Variants in ACVR1C observed in about 807,000 individuals in gnomAD.
The protein encoded by ACVR1C is activin A receptor type 1C.
A neutral mutation model predicts 57.9 loss-of-function variants in ACVR1C; 23 were observed. The observed-to-expected ratio is 0.40, with a 90% CI of 0.29 to 0.56. The LOEUF is 0.56. ACVR1C is among the 20% of genes least tolerant of loss of function. ACVR1C has a pLI of 0.50. For synonymous variants in ACVR1C, 214 were observed against 215.3 expected, an observed-to-expected ratio of 0.99 and a Z score of 0.05; for missense variants, 480 against 607.9, an observed-to-expected ratio of 0.79 and a Z score of 2.21.
Position 157,552,281 on chromosome 2 carries a change from C to T in ACVR1C, c.545-1889G>A, listed in dbSNP as rs151054046. On this transcript the variant is annotated intron_variant, in intron 3 of 8. Transcript: ENST00000243349. ...TTGAGTAGCTGGGACTACAGGTGTG[C>T]ACCACCATACCCAGCTAATTTTTGT... Among the ~76,000 whole-genome samples the T allele has an allele frequency of 3.8e-3, 575 of 152,254 alleles. 3 individuals carry two copies. The highest frequency in any genetic ancestry group is 0.013 in the African/African-American group (558 of 41,558).
intron 8 of ACVR1C, among the ~76,000 whole-genome samples, chr2:157,534,943 C>T (rs1416506285): frequency 6.6e-6 from 1 of 151,924 alleles, no homozygotes; most frequent in Non-Finnish European, 1.5e-5. Context: ...ATTGCTTAAG[C>T]CCAGGAGTTC....
intron 2 of ACVR1C, among the ~76,000 whole-genome samples, chr2:157,584,924 A>G (rs1446424275): frequency 3.3e-5 from 5 of 152,218 alleles, no homozygotes; most frequent in African/African-American, 1.2e-4. Context: ...CTACTGATAA[A>G]CCCAGCAACA....
chr2:157,538,404 T>C (rs1371701279), intron 8 of ACVR1C, among the ~76,000 whole-genome samples, 169 bp downstream of exon 8: 2 of 152,146 alleles, frequency 1.3e-5, no homozygotes, highest in Admixed American at 1.3e-4. Flanking sequence ...TAACCTAGCA[T>C]TATGCATGCA....
At position 157,575,373 on chromosome 2, in the gene ACVR1C, T is replaced by G. The variant is rs187867673; in HGVS notation, c.304+11814A>C. ...GTCTCGAACTCCTGACCTCAGGTGA[T>G]CCACCCACCTTGGCCTCCCAAAGTG... On this transcript the variant is annotated intron_variant, in intron 2 of 8. Coordinates refer to ENST00000243349, the MANE Select transcript of ACVR1C (RefSeq NM_145259.3). 3.0e-4 allele frequency among the ~76,000 whole-genome samples: 46 copies of G among 152,272 alleles called. No individual in the cohort carries two copies. The East Asian group carries it at 8.3e-3, about 27-fold the overall frequency.
chr2:157,595,681 T>C (rs979359641), intron 1 of ACVR1C, among the ~76,000 whole-genome samples: 11 of 152,222 alleles, frequency 7.2e-5, no homozygotes, highest in African/African-American at 2.7e-4. Flanking sequence ...TATCATGACC[T>C]GATAGGCTAA....
In ACVR1C at chr2:157,534,006, C is replaced by T; in HGVS notation, c.1394G>A (p.Trp465Ter). ...RVMGRIMREC[W>*]YANGAARLTA... The stretch of plus-strand genomic sequence containing the variant: ...TAGGCGGGCCGCTCCGTTGGCATAC[C>T]AACACTCACGCATTATTCTCCCCAT... The change falls in exon 9 of 9, where the codon TGG becomes TAG. Residue 465 changes from tryptophan (W) to a stop codon, truncating the protein, a stop_gained. Transcript: ENST00000243349. LOFTEE classifies it high-confidence loss of function. The T allele has an allele frequency of 6.3e-7, 1 of 1,589,890 alleles. No individual in the cohort carries two copies. Among genetic ancestry groups the T allele is most frequent in the Non-Finnish European group, 8.5e-7 (1 of 1,170,052 alleles).
intron 2 of ACVR1C, among the ~76,000 whole-genome samples, chr2:157,585,621 G>A (rs933245971): frequency 1.3e-5 from 2 of 152,114 alleles, no homozygotes; most frequent in African/African-American, 4.8e-5. Context: ...AGCTAAAGAG[G>A]AGACTCTCCT....
chr2:157,562,242 C>T (rs999604122), intron 2 of ACVR1C, among the ~76,000 whole-genome samples: 36 of 150,222 alleles, frequency 2.4e-4, no homozygotes, highest in African/African-American at 7.6e-4. Context: ...TGGCAGTGAG[C>T]TGAAATCGCG....
rs145072966 is a variant in ACVR1C, at chr2:157,538,720, T to G, written c.1226-17A>C. The stretch of plus-strand genomic sequence containing the variant: ...CAACAATTCCTGTAAGAAATTTGTA[T>G]AATAAATTTCCATGTGCAAATAATA... On this transcript the variant is annotated splice_polypyrimidine_tract_variant and intron_variant, in intron 7 of 8. Transcript: ENST00000243349. 6.0e-5 allele frequency: 88 copies of G among 1,458,346 alleles called. No individual in the cohort carries two copies. In the African/African-American group the frequency reaches 1.0e-3, roughly 17 times the overall value. 90.3% of individuals were successfully genotyped at this position (1,458,346 alleles called of 1,614,324 possible).
chr2:157,606,282 T>C (rs1002984909), intron 1 of ACVR1C, among the ~76,000 whole-genome samples: 4 of 151,880 alleles, frequency 2.6e-5, no homozygotes, highest in Non-Finnish European at 5.9e-5. Context: ...GGTATCCCTT[T>C]GATATACTGA....
chr2:157,622,615 A>C (rs1049259069), intron 1 of ACVR1C, among the ~76,000 whole-genome samples: 2 of 152,130 alleles, frequency 1.3e-5, no homozygotes, highest in Non-Finnish European at 2.9e-5. Context: ...AAAAACAGTC[A>C]AATCAAAATG....
At chr2:157,562,599 G>A (rs1213170403) in intron 2 of ACVR1C, among the ~76,000 whole-genome samples, 2 of 151,996 alleles carry the variant, frequency 1.3e-5, no homozygotes, top group East Asian at 1.9e-4. Context: ...GAAAAGGAGG[G>A]ACTCCTCCCT....
At chr2:157,558,211 T>A (rs915570920) in intron 2 of ACVR1C, among the ~76,000 whole-genome samples, 3 of 152,178 alleles carry the variant, frequency 2.0e-5, no homozygotes, top group African/African-American at 7.2e-5. Flanking sequence ...CCCCAGATGA[T>A]TCTTCACAGG....
At chr2:157,555,857 G>A (rs2105224825) in intron 3 of ACVR1C, among the ~76,000 whole-genome samples, 1 of 152,264 alleles carries the variant, frequency 6.6e-6, no homozygotes, top group South Asian at 2.1e-4. Flanking sequence ...GAAGGAAAGT[G>A]AATGTAAGAA....
At position 157,538,620 on chromosome 2, in the gene ACVR1C, CACAA is replaced by C; in HGVS notation, c.1305_1308del (p.Cys436ThrfsTer24). Reference sequence around the variant, plus strand: ...GGGATACTTGGTCGAAACTTCTGGTCACAAACAACCTTTCTCATTTCCTCTATCG... The same window carrying C: ...GGGATACTTGGTCGAAACTTCTGGTCACAACCTTTCTCATTTCCTCTATCG... On this transcript the variant is annotated frameshift_variant, in exon 8 of 9. Transcript: ENST00000243349. LOFTEE classifies it high-confidence loss of function. The C allele has an allele frequency of 1.3e-6, 2 of 1,584,050 alleles. No individual in the cohort carries two copies. Among genetic ancestry groups the C allele is most frequent in the Non-Finnish European group, 1.7e-6 (2 of 1,165,532 alleles).
chr2:157,596,221 G>C (rs1412430783), intron 1 of ACVR1C, among the ~76,000 whole-genome samples: 1 of 152,044 alleles, frequency 6.6e-6, no homozygotes, highest in Non-Finnish European at 1.5e-5. Flanking sequence ...GAATAGAACA[G>C]AATAGAATAG....
chr2:157,555,245 A>T (rs1424285334), intron 3 of ACVR1C, among the ~76,000 whole-genome samples: 2 of 150,306 alleles, frequency 1.3e-5, no homozygotes, highest in Admixed American at 6.6e-5. Flanking sequence ...CAGCCTCCCG[A>T]GTAGCTGGGA....
At chr2:157,578,045 G>T (rs1688705949) in intron 2 of ACVR1C, among the ~76,000 whole-genome samples, 1 of 152,004 alleles carries the variant, frequency 6.6e-6, no homozygotes, top group Non-Finnish European at 1.5e-5. Context: ...TGGGATCGCA[G>T]GCACATGCCA....
rs1301582649 is a variant in ACVR1C, at chr2:157,527,661, C to T, written c.*6257G>A. 1.3e-5 allele frequency: 2 copies of T among 151,822 alleles called. No individual in the cohort carries two copies. Among genetic ancestry groups the T allele is most frequent in the African/African-American group, 4.8e-5 (2 of 41,314 alleles). 9.4% of individuals were successfully genotyped at this position (151,822 alleles called of 1,614,324 possible). On this transcript the variant is annotated 3_prime_UTR_variant, in exon 9 of 9. Coordinates refer to ENST00000243349, the MANE Select transcript of ACVR1C (RefSeq NM_145259.3). Reference sequence around the variant, plus strand: ...TACATGAGCTTGACACTAGTCATTGCGGAAAAGAACTAGAATTTAATATTT... The same window carrying T: ...TACATGAGCTTGACACTAGTCATTGTGGAAAAGAACTAGAATTTAATATTT...
Sources: allele counts gnomAD v4.1 joint callset (sites outside exome capture counted in the v4.1 genomes callset), GRCh38; gene constraint gnomAD v4.1.1; transcripts MANE v1.5; gene names NCBI Gene and HGNC (gene_info 2026-07-23, HGNC 2026-07-21).